The following ADGRB3 variants were observed in gnomAD, a reference collection of about 807,000 sequenced individuals.
ADGRB3 encodes the protein adhesion G protein-coupled receptor B3.
ADGRB3 carries 37 observed loss-of-function variants against 193.4 expected under a neutral mutation model. The observed-to-expected ratio is 0.19, with a 90% confidence interval of 0.15 to 0.25. ADGRB3 has a LOEUF of 0.25. Ranked by LOEUF, ADGRB3 falls within the 10% of genes least tolerant of loss-of-function variation. ADGRB3 has a pLI of 1.00. For synonymous variants in ADGRB3, 690 were observed against 644.2 expected (o/e 1.07, Z -1.08); for missense variants, 1,637 against 1,852.9 (o/e 0.88, Z 2.14).
chr6:68,796,049 A>T (rs892783526), intron 3 of ADGRB3, among the ~76,000 whole-genome samples: 2 of 152,152 alleles, frequency 1.3e-5, no homozygotes, highest in Non-Finnish European at 2.9e-5. Context: ...GATGTGAAAG[A>T]ACAAAAAAAG....
intron 3 of ADGRB3, among the ~76,000 whole-genome samples, chr6:68,827,593 T>C (rs1767868835): frequency 6.6e-6 from 1 of 151,906 alleles, no homozygotes; most frequent in East Asian, 1.9e-4. Context: ...GTGTTATAAG[T>C]GGAGGAGCTA....
chr6:68,978,423 T>C (rs1768812603), intron 10 of ADGRB3, among the ~76,000 whole-genome samples: 1 of 151,576 alleles, frequency 6.6e-6, no homozygotes, highest in African/African-American at 2.4e-5. Flanking sequence ...CTTAAATACA[T>C]GTATGAAATA....
chr6:68,761,825 G>T (rs539637395), intron 3 of ADGRB3, among the ~76,000 whole-genome samples: 46 of 144,358 alleles, frequency 3.2e-4, no homozygotes, highest in Admixed American at 4.7e-4. Flanking sequence ...ATTGAAAATG[G>T]AAAATGGAAA....
intron 19 of ADGRB3, among the ~76,000 whole-genome samples, chr6:69,238,845 G>A (rs1180982042): frequency 6.6e-6 from 1 of 151,748 alleles, no homozygotes; most frequent in Non-Finnish European, 1.5e-5. Flanking sequence ...CATGACAACA[G>A]ATGGGCAACT....
intron 5 of ADGRB3, among the ~76,000 whole-genome samples, chr6:68,940,940 A>G (rs1767626264): frequency 6.6e-6 from 1 of 152,194 alleles, no homozygotes; most frequent in Non-Finnish European, 1.5e-5. Context: ...GTACAGCTCA[A>G]TCTAAATCAC....
intron 17 of ADGRB3, among the ~76,000 whole-genome samples, chr6:69,155,202 G>A (rs2150342644): frequency 6.6e-6 from 1 of 152,298 alleles, no homozygotes. Flanking sequence ...CTAATAAGGA[G>A]AGAGAAAGGA....
chr6:69,020,132 A>G (rs899427088), intron 13 of ADGRB3, among the ~76,000 whole-genome samples: 6 of 152,032 alleles, frequency 3.9e-5, no homozygotes, highest in African/African-American at 1.4e-4. Context: ...TTAAAATGAG[A>G]TAGAAAAACA....
At chr6:68,866,274 T>C (rs1287419263) in intron 3 of ADGRB3, among the ~76,000 whole-genome samples, 1 of 152,110 alleles carries the variant, frequency 6.6e-6, no homozygotes, top group African/African-American at 2.4e-5. Context: ...GTGAGTGAGT[T>C]CTCAATGAGA....
chr6:68,923,403 C>T (rs1413793935), intron 3 of ADGRB3, among the ~76,000 whole-genome samples: 1 of 151,856 alleles, frequency 6.6e-6, no homozygotes, highest in African/African-American at 2.4e-5. Flanking sequence ...CCAGAATTAC[C>T]TAAATACCAG....
chr6:68,817,304 C>CAT (rs1767650281), intron 3 of ADGRB3, among the ~76,000 whole-genome samples: 3 of 57,136 alleles, frequency 5.3e-5, no homozygotes, highest in Non-Finnish European at 1.2e-4. Flanking sequence ...CCCTTTTGTC[C>CAT]ATGTATATAT....
intron 3 of ADGRB3, among the ~76,000 whole-genome samples, chr6:68,829,197 T>G (rs1250925830): frequency 6.7e-6 from 1 of 149,468 alleles, no homozygotes; most frequent in East Asian, 2.0e-4. Context: ...CCTCCTGGAT[T>G]CAAGCAATTC....
At position 68,974,869 on chromosome 6, in the gene ADGRB3, A is replaced by G. The variant is rs753899736; in HGVS notation, c.1627+5A>G. ...AATGTCCCCTGAATGCCACAGGTAC[A>G]GTAGGATGACCCACCCAAACCCTAG... On this transcript the variant is annotated splice_donor_5th_base_variant and intron_variant, in intron 9 of 31. Coordinates refer to ENST00000370598, the MANE Select transcript of ADGRB3 (RefSeq NM_001704.3). 4.3e-6 allele frequency: 7 copies of G among 1,612,158 alleles called. No individual in the cohort carries two copies. The South Asian group carries it at 5.5e-5, about 13-fold the overall frequency.
chr6:68,731,166 A>G (rs1765767105), intron 3 of ADGRB3, among the ~76,000 whole-genome samples: 1 of 150,138 alleles, frequency 6.7e-6, no homozygotes, highest in African/African-American at 2.5e-5. Flanking sequence ...TAATGATAAT[A>G]GGACATATAT....
At chr6:69,306,577 T>C (rs1002590935) in intron 20 of ADGRB3, among the ~76,000 whole-genome samples, 3 of 151,440 alleles carry the variant, frequency 2.0e-5, no homozygotes, top group South Asian at 4.1e-4. Context: ...AATACAAAGA[T>C]AGAAAGTGCA....
At chr6:68,786,691 A>G (rs1766978858) in intron 3 of ADGRB3, among the ~76,000 whole-genome samples, 2 of 151,390 alleles carry the variant, frequency 1.3e-5, no homozygotes, top group Admixed American at 1.3e-4. Flanking sequence ...TTCTGTGAAG[A>G]AAGTCATTGG....
chr6:69,044,455 C>T (rs902993016), intron 13 of ADGRB3, among the ~76,000 whole-genome samples: 1 of 152,156 alleles, frequency 6.6e-6, no homozygotes, highest in African/African-American at 2.4e-5. Context: ...GAATTATTAT[C>T]CTGCTTTGAT....
intron 3 of ADGRB3, among the ~76,000 whole-genome samples, chr6:68,807,332 G>T (rs1313319286): frequency 6.7e-6 from 1 of 149,700 alleles, no homozygotes; most frequent in African/African-American, 2.5e-5. Flanking sequence ...CCGCCCCGCG[G>T]GGTTCACGCC....
chr6:68,790,513 A>G (rs1355987779), intron 3 of ADGRB3, among the ~76,000 whole-genome samples: 2 of 152,168 alleles, frequency 1.3e-5, no homozygotes, highest in Admixed American at 1.3e-4. Flanking sequence ...CTGACCCCCG[A>G]GTAGCCTAAC....
At chr6:68,846,448 G>C (rs976835395) in intron 3 of ADGRB3, among the ~76,000 whole-genome samples, 17 of 152,188 alleles carry the variant, frequency 1.1e-4, no homozygotes, top group African/African-American at 4.1e-4. Context: ...TCCATCACAG[G>C]CCCAGATGCC....
Sources: allele counts gnomAD v4.1 joint callset (sites outside exome capture counted in the v4.1 genomes callset), GRCh38; gene constraint gnomAD v4.1.1; transcripts MANE v1.5; gene names NCBI Gene and HGNC (gene_info 2026-07-23, HGNC 2026-07-21).